Variants in RAD51 observed in about 807,000 individuals in gnomAD.
The protein encoded by RAD51 is RAD51 recombinase.
In RAD51, 14 loss-of-function variants were observed where a neutral mutation model predicts 41.5. The observed-to-expected ratio is 0.34, with a 90% confidence interval of 0.22 to 0.53. The LOEUF (loss-of-function observed/expected upper bound fraction) is 0.53, where lower values mean the gene tolerates loss of function less well. Among genes scored for constraint, RAD51 ranks in the 20% least tolerant of loss-of-function variants. RAD51 has a pLI of 0.95. For missense variants in RAD51, 234 were observed against 422.0 expected (o/e 0.55, Z 3.90); for synonymous variants, 136 against 148.6 (o/e 0.92, Z 0.62).
At chr15:40,717,169 T>C (rs7162439) in intron 5 of RAD51, among the ~76,000 whole-genome samples, 1,708 of 151,822 alleles carry the variant, frequency 0.011, 35 homozygotes, top group African/African-American at 0.04. Flanking sequence ...GAAACCCCAT[T>C]TTTACTAAAA....
At position 40,713,245 on chromosome 15, in the gene RAD51, C is replaced by CTTTT. The variant is rs368095686; in HGVS notation, c.435+4143_435+4146dup. Among the ~76,000 whole-genome samples the CTTTT allele has an allele frequency of 9.6e-3, 1,219 of 127,126 alleles. 16 individuals are homozygous for CTTTT. Among genetic ancestry groups the CTTTT allele is most frequent in the Non-Finnish European group, 0.015 (957 of 62,730 alleles). The allele number at this position is 127,126 out of a possible 152,430, so 83.4% of individuals were successfully genotyped here. On this transcript the variant is annotated intron_variant, in intron 5 of 9. Coordinates refer to ENST00000267868, the MANE Select transcript of RAD51 (RefSeq NM_002875.5). ...ATAGCCTCCCATTTTTCTTATTTTC[C>CTTTT]TTTTTTTTTTTTTTTTTATTTGAGA...
At chr15:40,698,215 A>C in intron 1 of RAD51, among the ~76,000 whole-genome samples, 2 of 148,712 alleles carry the variant, frequency 1.3e-5, no homozygotes, top group African/African-American at 2.5e-5. Context: ...TTTGAGACAC[A>C]GTCTCACTCT....
chr15:40,724,390 C>A (rs2141869294), intron 6 of RAD51, among the ~76,000 whole-genome samples: 1 of 152,218 alleles, frequency 6.6e-6, no homozygotes, highest in Non-Finnish European at 1.5e-5. Flanking sequence ...GATAGATGAC[C>A]TAGTAGAATA....
chr15:40,716,601 G>C (rs1895998662), intron 5 of RAD51, among the ~76,000 whole-genome samples: 1 of 151,080 alleles, frequency 6.6e-6, no homozygotes, highest in African/African-American at 2.4e-5. Context: ...CCTGACCTCA[G>C]GTGATCCACT....
intron 4 of RAD51, among the ~76,000 whole-genome samples, chr15:40,707,150 ATTTTTTTTTTT>A (rs751900607): frequency 1.9e-4 from 18 of 93,610 alleles, no homozygotes; most frequent in Non-Finnish European, 3.1e-4. Flanking sequence ...CACCTGGCTA[ATTTTTTTTTTT>A]TTTTTTTTTT....
chr15:40,695,883 C>G (rs1007489347), intron 1 of RAD51: 3 of 151,686 alleles, frequency 2.0e-5, no homozygotes, highest in African/African-American at 7.3e-5. Context: ...TTTCTTAAAA[C>G]TTTTTTTTTG....
At chr15:40,728,052 G>C (rs542194155) in intron 6 of RAD51, among the ~76,000 whole-genome samples, 89 of 152,144 alleles carry the variant, frequency 5.8e-4, no homozygotes, top group African/African-American at 2.1e-3. Context: ...TAGAGATGGG[G>C]TTTTGCCATG....
chr15:40,702,669 C>T (rs1270306347), intron 3 of RAD51, among the ~76,000 whole-genome samples: 1 of 152,090 alleles, frequency 6.6e-6, no homozygotes, highest in Non-Finnish European at 1.5e-5. Flanking sequence ...AGGCTCCCAC[C>T]ACCACACGTG....
chr15:40,728,624 T>G (rs1896710899), intron 6 of RAD51, 87 bp from the exon 7 acceptor site: 2 of 1,037,856 alleles, frequency 1.9e-6, no homozygotes, highest in Middle Eastern at 2.0e-4. Context: ...CTTCCCTACC[T>G]ATTCAGGTAA....
chr15:40,712,403 A>C (rs1895748079), intron 5 of RAD51, among the ~76,000 whole-genome samples: 1 of 152,224 alleles, frequency 6.6e-6, no homozygotes. Context: ...AGAGATGTGG[A>C]ACTAAGTCAC....
At position 40,731,264 on chromosome 15, in the gene RAD51, T is replaced by C; in HGVS notation, c.*86T>C. ...CTCCCTGGGGTTCTCTACAGGCCTC[T>C]TCCTGTTGTGACTGCCAGGATAAAG... is the stretch of plus-strand genomic sequence containing the variant. On this transcript the variant is annotated 3_prime_UTR_variant, in exon 10 of 10. Coordinates refer to ENST00000267868, the MANE Select transcript of RAD51 (RefSeq NM_002875.5). 11 of 1,568,478 alleles carry C rather than the reference T, an allele frequency of 7.0e-6. No individual in the cohort carries two copies. The highest frequency in any genetic ancestry group is 9.6e-6 in the Non-Finnish European group (11 of 1,141,456).
intron 2 of RAD51, among the ~76,000 whole-genome samples, chr15:40,699,137 TTTTG>T (rs931458386): frequency 1.4e-4 from 21 of 152,244 alleles, no homozygotes; most frequent in South Asian, 4.1e-4. Flanking sequence ...TCTGTGCTGT[TTTTG>T]TTTGTTTGTT....
intron 6 of RAD51, among the ~76,000 whole-genome samples, chr15:40,724,889 A>ATTTTTTTTTTTT (rs34086110): frequency 1.4e-4 from 8 of 55,412 alleles, no homozygotes; most frequent in African/African-American, 5.9e-4. Context: ...ATTTTTTTTA[A>ATTTTTTTTTTTT]TTTTTTTTTT....
rs34696783 is a variant in RAD51 at position 40,726,242 on chromosome 15, ATT to A, written c.531-2452_531-2451del. On this transcript the variant is annotated intron_variant, in intron 6 of 9. Transcript: ENST00000267868. The stretch of plus-strand genomic sequence containing the variant: ...CATTGAGTCTAGGTTAGGCCCAGGA[ATT>A]TTTTTTTTTTTTTTTTGAGACGGAG... Among the ~76,000 whole-genome samples the A allele has an allele frequency of 2.9e-3, 363 of 124,404 alleles. 1 individual carries two copies. The highest frequency in any genetic ancestry group is 7.1e-3 in the African/African-American group (230 of 32,596). The allele number at this position is 124,404 out of a possible 152,430, so 81.6% of individuals were successfully genotyped here. A position where few individuals can be genotyped will look rare whatever the true frequency, so the allele number is the denominator to read the frequency against.
At chr15:40,705,002 G>A (rs1595985436) in intron 3 of RAD51, among the ~76,000 whole-genome samples, 1 of 151,850 alleles carries the variant, frequency 6.6e-6, no homozygotes, top group South Asian at 2.1e-4. Context: ...TAGAGCCAGG[G>A]TGCTGCTTTG....
At chr15:40,725,609 C>A (rs1896540371) in intron 6 of RAD51, among the ~76,000 whole-genome samples, 1 of 152,160 alleles carries the variant, frequency 6.6e-6, no homozygotes, top group South Asian at 2.1e-4. Flanking sequence ...TACTTGAGAA[C>A]TTGTTAGAAA....
intron 6 of RAD51, among the ~76,000 whole-genome samples, chr15:40,727,337 C>G (rs751660093): frequency 1.3e-5 from 2 of 151,982 alleles, no homozygotes; most frequent in African/African-American, 4.8e-5. Context: ...GAGACAGAGT[C>G]TTGCTCTGTC....
At chr15:40,704,653 C>T (rs1023732032) in intron 3 of RAD51, among the ~76,000 whole-genome samples, 1 of 148,756 alleles carries the variant, frequency 6.7e-6, no homozygotes, top group African/African-American at 2.5e-5. Flanking sequence ...GCCACCATGC[C>T]CAGCCATGCC....
chr15:40,706,053 C>T (rs1895315413), intron 3 of RAD51, 124 bp from the exon 4 acceptor site: 1 of 677,702 alleles, frequency 1.5e-6, no homozygotes, highest in Non-Finnish European at 2.6e-6. Context: ...TTGATATTTT[C>T]TCTTCCCATT....
Sources: gnomAD v4.1 joint callset for allele counts (sites outside exome capture counted in the v4.1 genomes callset) on GRCh38, gnomAD v4.1.1 for gene constraint, MANE v1.5 for transcripts, NCBI Gene and HGNC (gene_info 2026-07-23, HGNC 2026-07-21) for gene names.